ACTN1: variants seen among roughly 807,000 people sequenced by gnomAD.
ACTN1 encodes alpha-actinin-1.
Under a neutral mutation model 119.6 loss-of-function variants are expected in ACTN1, and 30 were observed. The ratio of observed to expected loss-of-function variants is 0.25; its 90% confidence interval spans 0.19 to 0.34. ACTN1 has a LOEUF of 0.34. Ranked by LOEUF, ACTN1 falls within the 10% of genes least tolerant of loss-of-function variation. ACTN1 has a pLI of 1.00. For missense variants in ACTN1, 764 were observed against 1,223.4 expected, an observed-to-expected ratio of 0.62 and a Z score of 5.60; for synonymous variants, 429 against 472.6, an observed-to-expected ratio of 0.91 and a Z score of 1.20.
chr14:68,889,995 T>G (rs1363898061), intron 11 of ACTN1, 144 bp downstream of exon 11: 1 of 1,237,126 alleles, frequency 8.1e-7, no homozygotes, highest in Non-Finnish European at 1.1e-6. Context: ...ACCAGAAGGC[T>G]AATGAACTTG....
Position 68,874,765 on chromosome 14 carries a change from G to T in ACTN1, c.*94C>A. ...GCCCCAGCTCACCCGGGTGGAGGCT[G>T]GGAGCTGAAACCGAACCCAGGCAGG... On this transcript the variant is annotated 3_prime_UTR_variant, in exon 22 of 22. Coordinates refer to ENST00000394419, the MANE Select transcript of ACTN1 (RefSeq NM_001130004.2). The T allele has an allele frequency of 7.6e-7, 1 of 1,318,996 alleles. No individual in the cohort carries two copies. The highest frequency in any genetic ancestry group is 2.0e-5 in the South Asian group (1 of 50,644). The allele number at this position is 1,318,996 out of a possible 1,614,324, so 81.7% of individuals were successfully genotyped here.
intron 1 of ACTN1, among the ~76,000 whole-genome samples, chr14:68,935,690 C>T (rs906225131): frequency 2.6e-5 from 4 of 152,098 alleles, no homozygotes; most frequent in Non-Finnish European, 5.9e-5. Context: ...CCGGCTAGAG[C>T]GCTCTATTCT....
chr14:68,897,134 G>A (rs116406185), intron 8 of ACTN1, among the ~76,000 whole-genome samples: 2,508 of 152,048 alleles, frequency 0.016, 77 homozygotes, highest in African/African-American at 0.057. Flanking sequence ...AGGTGCATGC[G>A]CCACTATGTC....
At chr14:68,937,576 C>T (rs1261995978) in intron 1 of ACTN1, among the ~76,000 whole-genome samples, 1 of 152,208 alleles carries the variant, frequency 6.6e-6, no homozygotes, top group Non-Finnish European at 1.5e-5. Flanking sequence ...CAATCACACA[C>T]ATCTCCCCAA....
At position 68,878,882 on chromosome 14, in the gene ACTN1, C is replaced by T. The variant is rs2031202834; in HGVS notation, c.2361+107G>A. ...AGGAGAGGACGAGCCCCATGGCCCA[C>T]AGGAGGGGGACAGGAGATCCAGACA... On this transcript the variant is annotated intron_variant, in intron 19 of 21. Coordinates refer to ENST00000394419, the MANE Select transcript of ACTN1 (RefSeq NM_001130004.2). The surrounding 1 kb of genome is among the most constrained non-coding windows in gnomAD (Gnocchi z 4.4). 8 of 1,598,960 alleles carry T rather than the reference C, an allele frequency of 5.0e-6. No individual in the cohort carries two copies. Among genetic ancestry groups the T allele is most frequent in the Middle Eastern group, 1.6e-4 (1 of 6,070 alleles).
intron 1 of ACTN1, among the ~76,000 whole-genome samples, chr14:68,935,685 T>C (rs2035469174): frequency 6.6e-6 from 1 of 152,144 alleles, no homozygotes; most frequent in Non-Finnish European, 1.5e-5. Context: ...CACACCCGGC[T>C]AGAGCGCTCT....
intron 1 of ACTN1, among the ~76,000 whole-genome samples, chr14:68,960,065 T>TG (rs1056845013): frequency 1.3e-4 from 20 of 152,242 alleles, no homozygotes; most frequent in African/African-American, 4.8e-4. Context: ...ATTCAGTAAG[T>TG]GGAAGTGGAT....
rs780220464 is a variant in ACTN1, at chr14:68,878,667, C to T, written c.2362-144G>A. ...TTGGGGGTCAGGATAGGTAAAGGAA[C>T]ATAGGAGAAGATGCGAACACACATC... On this transcript the variant is annotated intron_variant, in intron 19 of 21. Coordinates refer to ENST00000394419, the MANE Select transcript of ACTN1 (RefSeq NM_001130004.2). This position sits in a 1 kb window ranked among gnomAD's most constrained non-coding sequence, Gnocchi z 4.4. 2.9e-5 allele frequency: 45 copies of T among 1,544,236 alleles called. No homozygotes were observed. In the South Asian group the frequency reaches 5.1e-4, roughly 18 times the overall value.
At position 68,909,469 on chromosome 14, in the gene ACTN1, G is replaced by A. The variant is rs2033870389; in HGVS notation, c.516-73C>T. The A allele has an allele frequency of 1.4e-6, 2 of 1,414,762 alleles. No homozygotes were observed. The highest frequency in any genetic ancestry group is 1.4e-5 in the African/African-American group (1 of 71,078). 87.6% of individuals were successfully genotyped at this position (1,414,762 alleles called of 1,614,324 possible). On this transcript the variant is annotated intron_variant, in intron 5 of 21. Transcript: ENST00000394419. The surrounding 1 kb of genome is among the most constrained non-coding windows in gnomAD (Gnocchi z 4.1). ...CAAACGGGCAACCAGGGCAAAGCAG[G>A]GGCCTCCTAGACACCAGAGAGATGA...
At chr14:68,897,004 A>G (rs1166355139) in intron 8 of ACTN1, among the ~76,000 whole-genome samples, 1 of 151,882 alleles carries the variant, frequency 6.6e-6, no homozygotes, top group African/African-American at 2.4e-5. Context: ...GTTTTTTGAG[A>G]CAGAATCTTG....
chr14:68,898,559 C>G (rs1474484009), intron 8 of ACTN1, among the ~76,000 whole-genome samples: 1 of 152,092 alleles, frequency 6.6e-6, no homozygotes, highest in African/African-American at 2.4e-5. Flanking sequence ...GGTGCCAGCC[C>G]GGAGACAGAC....
chr14:68,978,387 A>C, intron 1 of ACTN1: 1 of 376,548 alleles, frequency 2.7e-6, no homozygotes, highest in Non-Finnish European at 5.3e-6. Context: ...GCCGCACTCC[A>C]GCTGGTCCTT....
chr14:68,932,570 T>C (rs2035276158), intron 1 of ACTN1, among the ~76,000 whole-genome samples: 1 of 148,988 alleles, frequency 6.7e-6, no homozygotes, highest in Admixed American at 6.7e-5. Context: ...TCTCTCTATG[T>C]TACCCAGGCT....
chr14:68,951,159 G>A (rs868279245), intron 1 of ACTN1, among the ~76,000 whole-genome samples: 3 of 152,148 alleles, frequency 2.0e-5, no homozygotes, highest in African/African-American at 4.8e-5. Flanking sequence ...CAGAGGCAAC[G>A]GGGTGACGGG....
Position 68,925,493 on chromosome 14 carries a change from C to G in ACTN1, c.220+65G>C, listed in dbSNP as rs1161904854. ...AAACCAGCTGCGCTCATAGGCAGAG[C>G]AGATGCCAAGGTGTCAGGCAGCACC... On this transcript the variant is annotated intron_variant, in intron 2 of 21. Transcript: ENST00000394419. The surrounding 1 kb of genome is among the most constrained non-coding windows in gnomAD (Gnocchi z 4.3). 1 of 1,358,086 alleles carries G rather than the reference C, an allele frequency of 7.4e-7. No homozygotes were observed. Among genetic ancestry groups the G allele is most frequent in the East Asian group, 2.4e-5 (1 of 41,812 alleles). The allele number at this position is 1,358,086 out of a possible 1,614,324, so 84.1% of individuals were successfully genotyped here. A position where few individuals can be genotyped will look rare whatever the true frequency, so the allele number is the denominator to read the frequency against.
chr14:68,973,020 A>G (rs2036940271), intron 1 of ACTN1, among the ~76,000 whole-genome samples: 1 of 152,222 alleles, frequency 6.6e-6, no homozygotes, highest in South Asian at 2.1e-4. Context: ...GTTGCCACAC[A>G]CAGCTTTGGG....
chr14:68,956,511 G>A (rs2036356391), intron 1 of ACTN1, among the ~76,000 whole-genome samples: 1 of 152,134 alleles, frequency 6.6e-6, no homozygotes, highest in African/African-American at 2.4e-5. Flanking sequence ...CAGGAGGTCT[G>A]GAAAAGGCCC....
chr14:68,941,745 AC>A (rs1401279608), intron 1 of ACTN1, among the ~76,000 whole-genome samples: 1 of 152,160 alleles, frequency 6.6e-6, no homozygotes, highest in Non-Finnish European at 1.5e-5. Context: ...CGACTCCAGG[AC>A]CCATGGAATT....
At chr14:68,888,235 G>A in intron 11 of ACTN1, 1 of 383,634 alleles carries the variant, frequency 2.6e-6, no homozygotes. Flanking sequence ...AGGTCAGAGT[G>A]TAGTAAAATT....
Sources: gnomAD v4.1 joint callset for allele counts (sites outside exome capture counted in the v4.1 genomes callset) on GRCh38, gnomAD v4.1.1 for gene constraint, Gnocchi (gnomAD v3.1) non-coding constraint, MANE v1.5 for transcripts, NCBI Gene and HGNC (gene_info 2026-07-23, HGNC 2026-07-21) for gene names.